The following SAMD14 variants were observed in gnomAD, a reference collection of about 807,000 sequenced individuals.
SAMD14 encodes sterile alpha motif domain-containing protein 14.
A neutral mutation model predicts 46.2 loss-of-function variants in SAMD14; 27 were observed. The observed-to-expected ratio is 0.58, with a 90% CI of 0.43 to 0.81. The LOEUF (loss-of-function observed/expected upper bound fraction) is 0.81. Among genes scored for constraint, SAMD14 ranks in the 30% least tolerant of loss-of-function variants. The probability of loss-of-function intolerance (pLI) is 0.00; values close to 1 mark genes in which losing one functional copy is unlikely to be tolerated. For synonymous variants in SAMD14, 241 were observed against 254.3 expected (o/e 0.95, Z 0.50); for missense variants, 559 against 582.2 (o/e 0.96, Z 0.41).
rs1020816104 is a variant in SAMD14, at chr17:50,112,769, C to A, written c.*124G>T. 7.0e-6 allele frequency: 8 copies of A among 1,137,706 alleles called. No individual in the cohort carries two copies. The East Asian group carries it at 1.5e-4, about 21-fold the overall frequency. 70.5% of individuals were successfully genotyped at this position (1,137,706 alleles called of 1,614,324 possible). ...GTGACAGGGTAAGAGAGAGCATGTC[C>A]CCCCTGAGAGCGTGGGACCAGGCTA... On this transcript the variant is annotated 3_prime_UTR_variant, in exon 10 of 10. Coordinates refer to ENST00000330175, the MANE Select transcript of SAMD14 (RefSeq NM_001257359.2).
At position 50,114,199 on chromosome 17, in the gene SAMD14, C is replaced by T. The variant is rs964902901; in HGVS notation, c.930G>A (p.Gln310=). Residue 310 remains glutamine, a synonymous_variant, in exon 8 of 10, where the codon CAG becomes CAA. Transcript: ENST00000330175. ...CAGCCTTGCTCACCTCATCTGAAGA[C>T]TGAGACAGCGTGTGGTAGGGGTAAG... ...KCSYPYHTLS[Q]SSDEFLDEPL... 6.2e-7 allele frequency: 1 copy of T among 1,614,064 alleles called. No individual in the cohort carries two copies. The highest frequency in any genetic ancestry group is 1.7e-5 in the Admixed American group (1 of 60,002).
In SAMD14 at chr17:50,114,063, A is replaced by C; in HGVS notation, c.959T>G (p.Leu320Arg). ...QSSDEFLDEPLPPVHHWTSQQ... is the reference protein window; with the variant it reads ...QSSDEFLDEPRPPVHHWTSQQ... ...GCTGGTCCAGTGGTGGACAGGGGGGAGGGGTTCATCCAGGAACTGGGCAGA... is the reference window on the plus strand; with the variant it reads ...GCTGGTCCAGTGGTGGACAGGGGGGCGGGGTTCATCCAGGAACTGGGCAGA... Residue 320 changes from leucine to arginine, a missense_variant, in exon 9 of 10, where the codon CTC becomes CGC. Physicochemically the swap from Leu to Arg is moderately radical, Grantham distance 102. Coordinates refer to ENST00000330175, the MANE Select transcript of SAMD14 (RefSeq NM_001257359.2). 5.6e-6 allele frequency: 9 copies of C among 1,613,150 alleles called. No individual in the cohort carries two copies. Among genetic ancestry groups the C allele is most frequent in the Non-Finnish European group, 7.6e-6 (9 of 1,179,916 alleles).
rs147739171 is a variant in SAMD14, at chr17:50,115,591, G to A, written c.795C>T (p.Gly265=). The change falls in exon 7 of 10, where the codon GGC becomes GGT. Residue 265 remains glycine (G), a synonymous_variant. Coordinates refer to ENST00000330175, the MANE Select transcript of SAMD14 (RefSeq NM_001257359.2). The surrounding 1 kb of genome is among the most constrained non-coding windows in gnomAD (Gnocchi z 5.3). ...TSPTCSPKHE[G]FSPKKSASQE... ...GGGAAGCTGACTTCTTAGGGCTGAA[G>A]CCCTCGTGTTTAGGGGAGCAGGTGG... 5 of 1,573,634 alleles carry A rather than the reference G, an allele frequency of 3.2e-6. No homozygotes were observed. The highest frequency in any genetic ancestry group is 4.3e-6 in the Non-Finnish European group (5 of 1,157,332).
chr17:50,128,573 T>C (rs1404668494), intron 1 of SAMD14, among the ~76,000 whole-genome samples: 1 of 151,434 alleles, frequency 6.6e-6, no homozygotes, highest in African/African-American at 2.4e-5. Flanking sequence ...TGGATACCCT[T>C]CCCCCCAAGG....
At chr17:50,128,151 A>G (rs1224704701) in intron 1 of SAMD14, among the ~76,000 whole-genome samples, 1 of 152,102 alleles carries the variant, frequency 6.6e-6, no homozygotes, top group African/African-American at 2.4e-5. Context: ...TGCCTCTGAG[A>G]ATGAAGATCC....
chr17:50,124,796 C>CACACAA (rs939289128), intron 2 of SAMD14, 121 bp downstream of exon 2: 4 of 957,938 alleles, frequency 4.2e-6, no homozygotes, highest in Non-Finnish European at 5.1e-6. Flanking sequence ...CACACACACA[C>CACACAA]ACACACACAC....
intron 8 of SAMD14, 41 bp from the exon 9 acceptor site, chr17:50,114,120 G>C: frequency 1.9e-6 from 3 of 1,613,908 alleles, no homozygotes; most frequent in South Asian, 1.1e-5. Flanking sequence ...GGCTTGGCCT[G>C]TGACCTGAGC....
chr17:50,116,237 A>G (rs866962885), intron 4 of SAMD14, 147 bp from the exon 5 acceptor site: 1 of 1,284,348 alleles, frequency 7.8e-7, no homozygotes, highest in Middle Eastern at 2.4e-4. Flanking sequence ...TCCTAGGATA[A>G]GCCACTTTAC....
rs1369583437 is a variant in SAMD14, at chr17:50,114,006, T to C, written c.1016A>G (p.Asn339Ser). The C allele has an allele frequency of 1.2e-6, 2 of 1,613,508 alleles. No homozygotes were observed. Among genetic ancestry groups the C allele is most frequent in the South Asian group, 1.1e-5 (1 of 91,080 alleles). The stretch of plus-strand genomic sequence containing the variant: ...AAACTCAGCAGCATACTGTTCCAGG[T>C]TGAGGCTCTGCAGCCACTGGCCCAC... The part of the protein sequence containing the change: ...QQVGQWLQSL[N>S]LEQYAAEFAA... The change falls in exon 9 of 10, where the codon AAC (asparagine) becomes AGC (serine). Residue 339 changes from asparagine to serine, a missense_variant. By Grantham distance (46) the Asn-to-Ser change is conservative. Transcript: ENST00000330175.
At chr17:50,123,006 A>T (rs571140467) in intron 2 of SAMD14, among the ~76,000 whole-genome samples, 2 of 152,282 alleles carry the variant, frequency 1.3e-5, no homozygotes, top group African/African-American at 2.4e-5. Context: ...ATCTCCAGGC[A>T]CTGCCTGGAA....
intron 9 of SAMD14, 39 bp downstream of exon 9, chr17:50,113,885 G>A: frequency 6.2e-7 from 1 of 1,611,484 alleles, no homozygotes; most frequent in South Asian, 1.1e-5. Flanking sequence ...GTCACCTCAA[G>A]TAACTGGGCT....
intron 4 of SAMD14, chr17:50,116,362 A>T: frequency 6.2e-6 from 2 of 322,250 alleles, no homozygotes; most frequent in Non-Finnish European, 1.1e-5. Flanking sequence ...CCAAAAAGGT[A>T]GGAATCACTA....
At chr17:50,113,605 A>T (rs977847940) in intron 9 of SAMD14, 1 of 364,118 alleles carries the variant, frequency 2.7e-6, no homozygotes, top group Non-Finnish European at 5.1e-6. Context: ...GTGGCTTCCC[A>T]TGATACCAGG....
At chr17:50,122,209 G>A (rs907269902) in intron 2 of SAMD14, among the ~76,000 whole-genome samples, 1 of 152,140 alleles carries the variant, frequency 6.6e-6, no homozygotes, top group African/African-American at 2.4e-5. Context: ...GTCACGATAC[G>A]GTCGGGATAT....
At chr17:50,123,960 A>C (rs1475796305) in intron 2 of SAMD14, 1 of 401,132 alleles carries the variant, frequency 2.5e-6, no homozygotes, top group Non-Finnish European at 5.1e-6. Flanking sequence ...GGGGAGCTGG[A>C]GGAGACTGGG....
At chr17:50,124,807 ACT>A in intron 2 of SAMD14, 108 bp downstream of exon 2, 6 of 1,012,752 alleles carry the variant, frequency 5.9e-6, no homozygotes, top group Non-Finnish European at 7.8e-6. Context: ...ACACACACAC[ACT>A]CTGAAGCTGC....
In SAMD14 at chr17:50,112,970, CCTT is replaced by C. The variant is rs754018464; in HGVS notation, c.1174_1176del (p.Lys392del). 6.8e-6 allele frequency: 11 copies of C among 1,611,612 alleles called. No individual in the cohort carries two copies. The highest frequency in any genetic ancestry group is 1.7e-6 in the Non-Finnish European group (2 of 1,179,990). Reference sequence around the variant, plus strand: ...GCAGCCTTCTCCTGGGCCTTGCGCTCCTTCTCGGCAGCTGCTGCCATCTCCTTC... The same window carrying C: ...GCAGCCTTCTCCTGGGCCTTGCGCTCCTCGGCAGCTGCTGCCATCTCCTTC... On this transcript the variant is annotated inframe_deletion, in exon 10 of 10. Transcript: ENST00000330175.
At chr17:50,113,162 G>A in intron 9 of SAMD14, 114 bp from the exon 10 acceptor site, 3 of 1,273,648 alleles carry the variant, frequency 2.4e-6, no homozygotes, top group South Asian at 3.0e-5. Context: ...AATCCTCCCT[G>A]GAGTGGAGCC....
At chr17:50,121,863 G>A (rs2144409350) in intron 2 of SAMD14, among the ~76,000 whole-genome samples, 1 of 152,246 alleles carries the variant, frequency 6.6e-6, no homozygotes, top group South Asian at 2.1e-4. Flanking sequence ...GGTGACTCTG[G>A]GCAAGTTACT....
Sources: gnomAD v4.1 joint callset for allele counts (sites outside exome capture counted in the v4.1 genomes callset) on GRCh38, gnomAD v4.1.1 for gene constraint, Gnocchi (gnomAD v3.1) non-coding constraint, MANE v1.5 for transcripts, NCBI Gene and HGNC (gene_info 2026-07-23, HGNC 2026-07-21) for gene names.